PHF8: variants seen among roughly 807,000 people sequenced by gnomAD.
PHF8 encodes PHD finger protein 8, also known as histone lysine demethylase PHF8.
A neutral mutation model predicts 74.4 loss-of-function variants in PHF8; 9 were observed. That is an observed-to-expected ratio of 0.12 (90% CI 0.07 to 0.21). PHF8 has a LOEUF of 0.21. PHF8 is among the 10% of genes least tolerant of loss of function. The pLI is 1.00. For missense variants in PHF8, 478 were observed against 816.6 expected (o/e 0.59, Z 5.05); for synonymous variants, 311 against 316.6 (o/e 0.98, Z 0.19).
At chrX:53,987,724 A>G (rs1557100029) in intron 15 of PHF8, 42 bp downstream of exon 15, 1 of 1,101,763 alleles carries the variant, frequency 9.1e-7, no homozygotes, top group Non-Finnish European at 1.2e-6. Flanking sequence ...CAAACAAACA[A>G]AAAAACGGGC....
chrX:54,029,895 A>G (rs192496640), intron 2 of PHF8, among the ~76,000 whole-genome samples: 5 of 111,780 alleles, frequency 4.5e-5, no homozygotes, highest in Admixed American at 2.8e-4. Context: ...ACCACAGAAC[A>G]TTAAACCTCA....
intron 2 of PHF8, among the ~76,000 whole-genome samples, chrX:54,034,738 G>A (rs1557113506): frequency 9.7e-6 from 1 of 102,575 alleles, no homozygotes. Flanking sequence ...GCAGAGAATT[G>A]TTTAAACCTG....
chrX:54,007,938 A>G (rs1240394044), intron 8 of PHF8, among the ~76,000 whole-genome samples: 1 of 112,404 alleles, frequency 8.9e-6, no homozygotes, highest in Non-Finnish European at 1.9e-5. Flanking sequence ...ACGTTCACAC[A>G]ATAACTCGTA....
intron 3 of PHF8, 141 bp downstream of exon 3, chrX:54,022,617 G>A: frequency 2.0e-6 from 1 of 502,313 alleles, no homozygotes; most frequent in South Asian, 2.8e-5. Context: ...GTGCTGGCCT[G>A]TGGAGCCTGC....
Position 54,012,903 on chromosome X carries a change from G to A in PHF8, c.783+1474C>T, listed in dbSNP as rs782214296. Among the ~76,000 whole-genome samples, 3 of 101,100 alleles carry A rather than the reference G, an allele frequency of 3.0e-5. No individual in the cohort carries two copies. In the South Asian group the frequency reaches 1.4e-3, roughly 48 times the overall value. The allele number at this position is 101,100 out of a possible 115,157, so 87.8% of individuals were successfully genotyped here. ...TGCAGTGAGCCATGATCATGCCACT[G>A]CACTCCAGCCTGGGTGACAAAGTGA... On this transcript the variant is annotated intron_variant, in intron 7 of 21. Transcript: ENST00000338154.
intron 18 of PHF8, among the ~76,000 whole-genome samples, chrX:53,973,682 A>AT (rs2065329455): frequency 8.9e-6 from 1 of 112,017 alleles, no homozygotes; most frequent in South Asian, 3.7e-4. Flanking sequence ...ACCCCAAACT[A>AT]TAAAAACCCT....
At chrX:53,946,670 CTGT>C (rs1300099674) in intron 19 of PHF8, among the ~76,000 whole-genome samples, 2 of 112,138 alleles carry the variant, frequency 1.8e-5, no homozygotes, top group Non-Finnish European at 3.8e-5. Flanking sequence ...CACATGGACC[CTGT>C]TTAGACCCTG....
chrX:54,008,270 G>A (rs1557105827), intron 8 of PHF8, among the ~76,000 whole-genome samples: 1 of 109,463 alleles, frequency 9.1e-6, no homozygotes, highest in Non-Finnish European at 1.9e-5. Context: ...GGGAGGCTGA[G>A]GCCAGAGAAT....
intron 18 of PHF8, among the ~76,000 whole-genome samples, chrX:53,967,233 C>T (rs1557093103): frequency 9.6e-6 from 1 of 104,404 alleles, no homozygotes; most frequent in African/African-American, 3.5e-5. Context: ...AGGAGCCCCT[C>T]TGCCCGGCCA....
intron 13 of PHF8, among the ~76,000 whole-genome samples, 191 bp downstream of exon 13, chrX:53,993,410 C>T (rs782500718): frequency 4.5e-5 from 5 of 112,106 alleles, no homozygotes; most frequent in Non-Finnish European, 7.5e-5. Flanking sequence ...AGAGTCACAT[C>T]CACAGCACCT....
chrX:53,962,959 CA>C lies in PHF8; in HGVS notation c.2444-21del. ...GATAGACTGCAGGGAGAAGGGAAAA[CA>C]GGGTAAAATGAGATTTCATCCAAAG... On this transcript the variant is annotated intron_variant, in intron 18 of 21. Coordinates refer to ENST00000338154, the MANE Select transcript of PHF8 (RefSeq NM_015107.3). 1.0e-6 allele frequency: 1 copy of C among 991,433 alleles called. No individual in the cohort carries two copies. Among genetic ancestry groups the C allele is most frequent in the Non-Finnish European group, 1.4e-6 (1 of 694,613 alleles). 81.7% of individuals were successfully genotyped at this position (991,433 alleles called of 1,213,427 possible). A position where few individuals can be genotyped will look rare whatever the true frequency, so the allele number is the denominator to read the frequency against.
chrX:53,989,813 C>A (rs782351640), intron 14 of PHF8, among the ~76,000 whole-genome samples: 1 of 112,072 alleles, frequency 8.9e-6, no homozygotes, highest in South Asian at 3.7e-4. Flanking sequence ...ATTAAATGAG[C>A]TCATACAGAG....
intron 19 of PHF8, among the ~76,000 whole-genome samples, chrX:53,945,382 C>T (rs1365588687): frequency 4.8e-5 from 5 of 105,087 alleles, no homozygotes; most frequent in African/African-American, 1.0e-4. Flanking sequence ...TGGTGGTGCA[C>T]GCCTGTAGTC....
chrX:53,962,127 G>A (rs1466108092), intron 19 of PHF8, among the ~76,000 whole-genome samples: 1 of 111,887 alleles, frequency 8.9e-6, no homozygotes, highest in African/African-American at 3.2e-5. Context: ...GTAGGTCTTA[G>A]TAGGACTTAG....
At chrX:53,969,674 G>A (rs190776640) in intron 18 of PHF8, among the ~76,000 whole-genome samples, 143 of 111,996 alleles carry the variant, frequency 1.3e-3, no homozygotes, top group African/African-American at 4.5e-3. Flanking sequence ...AAGCAATACT[G>A]AGCAGTAAGA....
At chrX:53,960,055 T>G (rs1005593931) in intron 19 of PHF8, among the ~76,000 whole-genome samples, 2 of 108,924 alleles carry the variant, frequency 1.8e-5, no homozygotes, top group Admixed American at 2.0e-4. Flanking sequence ...ACATTGCTTT[T>G]CCTCCTAAAT....
chrX:53,994,295 A>G (rs2065714011), intron 12 of PHF8, among the ~76,000 whole-genome samples: 4 of 112,459 alleles, frequency 3.6e-5, no homozygotes, highest in African/African-American at 1.3e-4. Context: ...CAGGAAAGTT[A>G]TCTGACCATT....
At chrX:53,971,829 G>A (rs2149809252) in intron 18 of PHF8, among the ~76,000 whole-genome samples, 1 of 111,404 alleles carries the variant, frequency 9.0e-6, no homozygotes, top group South Asian at 3.8e-4. Flanking sequence ...CAGAAATTGA[G>A]GCAGTAATAA....
Position 54,042,733 on chromosome X carries a change from G to C in PHF8, c.-5C>G. On this transcript the variant is annotated 5_prime_UTR_variant, in exon 2 of 22. Coordinates refer to ENST00000338154, the MANE Select transcript of PHF8 (RefSeq NM_015107.3). ...ATACACCGGCACCGAGGCCATCTTC[G>C]CTCGGCCCTGGAGCGTTCTGCGGCC... 2.5e-6 allele frequency: 3 copies of C among 1,206,200 alleles called. No homozygotes were observed. Among genetic ancestry groups the C allele is most frequent in the Non-Finnish European group, 3.4e-6 (3 of 892,273 alleles).
Sources: gnomAD v4.1 joint callset for allele counts (sites outside exome capture counted in the v4.1 genomes callset) on GRCh38, gnomAD v4.1.1 for gene constraint, MANE v1.5 for transcripts, NCBI Gene and HGNC (gene_info 2026-07-23, HGNC 2026-07-21) for gene names.